Variants in DCC observed in about 807,000 individuals in gnomAD.
The protein encoded by DCC is DCC netrin 1 receptor, also known as netrin receptor DCC.
A neutral mutation model predicts 172.5 loss-of-function variants in DCC; 58 were observed. That is an observed-to-expected ratio of 0.34 (90% confidence interval 0.27 to 0.42). The LOEUF is 0.42. Among genes scored for constraint, DCC ranks in the 10% least tolerant of loss-of-function variants. The probability of loss-of-function intolerance (pLI) is 1.00; values close to 1 mark genes in which losing one functional copy is unlikely to be tolerated. For synonymous variants in DCC, 709 were observed against 644.5 expected, an observed-to-expected ratio of 1.10 and a Z score of -1.52; for missense variants, 1,740 against 1,791.0, an observed-to-expected ratio of 0.97 and a Z score of 0.51.
chr18:53,518,751 C>T (rs1327123269), intron 27 of DCC, among the ~76,000 whole-genome samples: 1 of 152,128 alleles, frequency 6.6e-6, no homozygotes, highest in East Asian at 1.9e-4. Context: ...ACCAAAGGGT[C>T]GCCTGAAACT....
At chr18:52,443,961 A>G (rs1233892516) in intron 1 of DCC, among the ~76,000 whole-genome samples, 1 of 152,168 alleles carries the variant, frequency 6.6e-6, no homozygotes, top group African/African-American at 2.4e-5. Context: ...AATGAAAGAG[A>G]TAACTTTGAG....
At chr18:52,564,116 T>G (rs1267187893) in intron 1 of DCC, among the ~76,000 whole-genome samples, 2 of 152,160 alleles carry the variant, frequency 1.3e-5, no homozygotes, top group Non-Finnish European at 2.9e-5. Flanking sequence ...AGATGCTTAC[T>G]AATAGTATAG....
intron 26 of DCC, among the ~76,000 whole-genome samples, chr18:53,490,815 C>T (rs1017856868): frequency 6.6e-6 from 1 of 152,170 alleles, no homozygotes; most frequent in Non-Finnish European, 1.5e-5. Context: ...TTTTTGCTGC[C>T]TTAAGTGTCA....
chr18:53,031,122 T>C (rs1379095320), intron 5 of DCC, among the ~76,000 whole-genome samples: 1 of 152,032 alleles, frequency 6.6e-6, no homozygotes, highest in Non-Finnish European at 1.5e-5. Context: ...AGCCAGGTTT[T>C]GTGGTGGGCA....
At chr18:52,459,634 A>T (rs1010628871) in intron 1 of DCC, among the ~76,000 whole-genome samples, 11 of 151,470 alleles carry the variant, frequency 7.3e-5, no homozygotes, top group African/African-American at 2.7e-4. Context: ...CGCCCGGCTA[A>T]TTTTTTTGTA....
chr18:52,448,412 A>G (rs1988194281), intron 1 of DCC, among the ~76,000 whole-genome samples: 1 of 152,192 alleles, frequency 6.6e-6, no homozygotes, highest in Non-Finnish European at 1.5e-5. Flanking sequence ...ACATTTTGTT[A>G]TTAGAGTAGA....
At chr18:53,310,985 A>G (rs2057258889) in intron 13 of DCC, among the ~76,000 whole-genome samples, 1 of 66,044 alleles carries the variant, frequency 1.5e-5, no homozygotes, top group South Asian at 8.4e-4. Flanking sequence ...ACTTAGAAGC[A>G]TCTAGGACAC....
intron 1 of DCC, among the ~76,000 whole-genome samples, chr18:52,348,226 T>G (rs1443573): frequency 6.6e-6 from 1 of 152,108 alleles, no homozygotes; most frequent in Non-Finnish European, 1.5e-5. Context: ...ATCTAATCTA[T>G]TGTTGATGGA....
chr18:53,415,009 C>G (rs1010994471), intron 20 of DCC, among the ~76,000 whole-genome samples: 3 of 151,698 alleles, frequency 2.0e-5, no homozygotes, highest in South Asian at 2.1e-4. Flanking sequence ...AGACATAAAC[C>G]CTGTTCATCT....
At chr18:53,088,906 C>G (rs1451641419) in intron 7 of DCC, among the ~76,000 whole-genome samples, 1 of 151,994 alleles carries the variant, frequency 6.6e-6, no homozygotes, top group Non-Finnish European at 1.5e-5. Flanking sequence ...AGCATTAACC[C>G]AAAACACTTG....
chr18:52,997,628 A>G (rs1199930147), intron 5 of DCC, among the ~76,000 whole-genome samples: 1 of 152,102 alleles, frequency 6.6e-6, no homozygotes, highest in Non-Finnish European at 1.5e-5. Context: ...ATTGTGCAGT[A>G]TGGTACTCCA....
At chr18:52,535,415 T>C (rs910865186) in intron 1 of DCC, among the ~76,000 whole-genome samples, 4 of 152,194 alleles carry the variant, frequency 2.6e-5, no homozygotes, top group African/African-American at 9.6e-5. Context: ...CTTGCCTAAG[T>C]CCTTATTACT....
intron 5 of DCC, among the ~76,000 whole-genome samples, chr18:52,974,493 C>T (rs768999114): frequency 6.6e-6 from 1 of 152,162 alleles, no homozygotes; most frequent in African/African-American, 2.4e-5. Flanking sequence ...AGAGGACTTG[C>T]AGCAAATCAA....
intron 1 of DCC, among the ~76,000 whole-genome samples, chr18:52,691,738 T>C (rs556763789): frequency 6.6e-6 from 1 of 152,274 alleles, no homozygotes; most frequent in South Asian, 2.1e-4. Flanking sequence ...AAGATTAGAA[T>C]GTAGAAACAC....
At chr18:53,262,469 A>C (rs186872424) in intron 12 of DCC, among the ~76,000 whole-genome samples, 64 of 152,342 alleles carry the variant, frequency 4.2e-4, no homozygotes, top group African/African-American at 1.4e-3. Context: ...TTTAAAGCTA[A>C]ACTCCCATCT....
chr18:52,608,535 G>A (rs1267367646), intron 1 of DCC, among the ~76,000 whole-genome samples: 2 of 152,192 alleles, frequency 1.3e-5, no homozygotes, highest in African/African-American at 4.8e-5. Flanking sequence ...TATGGTGTGA[G>A]TAAAGATATA....
chr18:52,567,701 C>T (rs527772736), intron 1 of DCC, among the ~76,000 whole-genome samples: 41 of 152,182 alleles, frequency 2.7e-4, no homozygotes, highest in African/African-American at 9.4e-4. Flanking sequence ...GAAATTACTT[C>T]GGTACAAATG....
chr18:53,250,937 C>G (rs1339053009), intron 12 of DCC, among the ~76,000 whole-genome samples: 2 of 151,922 alleles, frequency 1.3e-5, no homozygotes, highest in Non-Finnish European at 2.9e-5. Context: ...CTATGCTGTT[C>G]TTTCCGAACA....
chr18:52,565,960 T>C (rs2033150680), intron 1 of DCC, among the ~76,000 whole-genome samples: 2 of 152,190 alleles, frequency 1.3e-5, no homozygotes, highest in Admixed American at 6.5e-5. Context: ...TGAGGGTTTG[T>C]ATGGTTTTAG....
Sources: allele counts gnomAD v4.1 joint callset (sites outside exome capture counted in the v4.1 genomes callset), GRCh38; gene constraint gnomAD v4.1.1; transcripts MANE v1.5; gene names NCBI Gene and HGNC (gene_info 2026-07-23, HGNC 2026-07-21).